Variants in CPSF7 observed in about 807,000 individuals in gnomAD.
The protein encoded by CPSF7 is cleavage and polyadenylation specific factor 7, also known as cleavage and polyadenylation specificity factor subunit 7.
A neutral mutation model predicts 44.3 loss-of-function variants in CPSF7; 1 was observed. The observed-to-expected ratio is 0.02, with a 90% CI of 0.01 to 0.11. The LOEUF is 0.11. Among genes scored for constraint, CPSF7 ranks in the 10% least tolerant of loss-of-function variants. The probability of loss-of-function intolerance (pLI) is 1.00; values close to 1 mark genes in which losing one functional copy is unlikely to be tolerated. For missense variants in CPSF7, 443 were observed against 607.2 expected (o/e 0.73, Z 2.84); for synonymous variants, 202 against 222.0 (o/e 0.91, Z 0.80).
intron 2 of CPSF7, among the ~76,000 whole-genome samples, chr11:61,422,738 A>G (rs868805532): frequency 1.3e-5 from 2 of 152,256 alleles, no homozygotes; most frequent in African/African-American, 2.4e-5. Context: ...ATTATGGAAA[A>G]TGTGCAAAAT....
Position 61,429,168 on chromosome 11 carries a change from T to C in CPSF7, c.54+14A>G. 1 of 1,467,396 alleles carries C rather than the reference T, an allele frequency of 6.8e-7. No individual in the cohort carries two copies. The highest frequency in any genetic ancestry group is 9.5e-7 in the Non-Finnish European group (1 of 1,048,518). 90.9% of individuals were successfully genotyped at this position (1,467,396 alleles called of 1,614,324 possible). The stretch of plus-strand genomic sequence containing the variant: ...TGATCAAGGAAAATCCCAAAGCTCC[T>C]GATGACACCTCACCTGGTTGAACTC... On this transcript the variant is annotated intron_variant, in intron 2 of 9. Transcript: ENST00000439958.
At chr11:61,427,181 T>C (rs1861449733) in intron 2 of CPSF7, 1 of 150,878 alleles carries the variant, frequency 6.6e-6, no homozygotes, top group Non-Finnish European at 1.5e-5. Context: ...GGAGAATCGC[T>C]TGAGCTCAGG....
At chr11:61,411,178 CTTCT>C (rs763669340) in intron 8 of CPSF7, 73 bp from the exon 9 acceptor site, 28 of 1,458,470 alleles carry the variant, frequency 1.9e-5, no homozygotes, top group Admixed American at 1.3e-4. Flanking sequence ...GTTTTGGTGT[CTTCT>C]GATATTTGCC....
At chr11:61,415,380 G>A (rs944236785) in intron 7 of CPSF7, among the ~76,000 whole-genome samples, 1 of 152,080 alleles carries the variant, frequency 6.6e-6, no homozygotes, top group African/African-American at 2.4e-5. Flanking sequence ...CACAAGGCAG[G>A]AATTTCACTC....
At chr11:61,408,508 C>G (rs954272548) in intron 9 of CPSF7, among the ~76,000 whole-genome samples, 3 of 152,200 alleles carry the variant, frequency 2.0e-5, no homozygotes, top group Admixed American at 6.5e-5. Context: ...CCTGAAGTTA[C>G]CTGGGTCACG....
Position 61,416,315 on chromosome 11 carries a change from A to G in CPSF7, c.728T>C (p.Phe243Ser). 6.4e-7 allele frequency: 1 copy of G among 1,553,762 alleles called. No individual in the cohort carries two copies. Among genetic ancestry groups the G allele is most frequent in the Non-Finnish European group, 8.7e-7 (1 of 1,148,676 alleles). The change falls in exon 6 of 10, where the codon TTT (phenylalanine) becomes TCT (serine). Residue 243 changes from phenylalanine to serine, a missense_variant. Transcript: ENST00000439958. ...IPPPPPLSSSFGVPPPPPGIH... is the reference protein window; with the variant it reads ...IPPPPPLSSSSGVPPPPPGIH... ...ACCAGGAGGAGGAGGAGGGACCCCA[A>G]AGCTTGAGGAGAGAGGTGGTGGGGG...
chr11:61,429,450 C>T, intron 1 of CPSF7, 160 bp from the exon 2 acceptor site: 1 of 528,512 alleles, frequency 1.9e-6, no homozygotes, highest in Non-Finnish European at 3.2e-6. Context: ...CGCCGCCCAC[C>T]GCTCTCCCAG....
chr11:61,416,870 G>C (rs1860386235), intron 5 of CPSF7, among the ~76,000 whole-genome samples: 1 of 152,090 alleles, frequency 6.6e-6, no homozygotes, highest in Non-Finnish European at 1.5e-5. Flanking sequence ...CTGATGTTCA[G>C]GTGAATTGCA....
chr11:61,409,717 T>C (rs368474352), intron 9 of CPSF7, among the ~76,000 whole-genome samples: 1 of 151,942 alleles, frequency 6.6e-6, no homozygotes, highest in African/African-American at 2.4e-5. Context: ...GGCTCACGCC[T>C]GTAATCCTAG....
intron 9 of CPSF7, among the ~76,000 whole-genome samples, chr11:61,409,589 T>TA (rs1396171920): frequency 2.0e-5 from 3 of 152,198 alleles, no homozygotes; most frequent in African/African-American, 7.2e-5. Flanking sequence ...CTAAACCTGT[T>TA]AAAGATAATT....
chr11:61,420,430 G>A (rs769081422), intron 4 of CPSF7, 40 bp downstream of exon 4: 5 of 1,508,300 alleles, frequency 3.3e-6, no homozygotes, highest in Admixed American at 1.7e-5. Context: ...TTATCCCAAT[G>A]GTTACAAATT....
chr11:61,420,417 C>G (rs770841134), intron 4 of CPSF7, 53 bp downstream of exon 4: 26 of 1,477,868 alleles, frequency 1.8e-5, no homozygotes, highest in Non-Finnish European at 2.2e-5. Flanking sequence ...TAGTACAGAT[C>G]TTTTATCCCA....
chr11:61,404,272 C>A lies in CPSF7; in HGVS notation c.*438G>T. 6.6e-6 allele frequency: 1 copy of A among 152,566 alleles called. No individual in the cohort carries two copies. The allele number at this position is 152,566 out of a possible 1,614,324, so 9.5% of individuals were successfully genotyped here. On this transcript the variant is annotated 3_prime_UTR_variant, in exon 10 of 10. Coordinates refer to ENST00000439958, the MANE Select transcript of CPSF7 (RefSeq NM_001142565.3). ...TTAAATCTAGTGCTGAGGGCAGGAC[C>A]CTGGGCATATTTTGGCACACCCAGT... is the stretch of plus-strand genomic sequence containing the variant.
In CPSF7 at chr11:61,411,798, G is replaced by A; in HGVS notation, c.1197C>T (p.Tyr399=). The part of the protein sequence containing the change: ...DCLHGIEAKS[Y]SVGASGSSSR... The stretch of plus-strand genomic sequence containing the variant: ...AAGAGCTCCCACTGGCACCCACACT[G>A]TAGGACTTGGCTTCGATGCCATGAA... Residue 399 remains tyrosine, a synonymous_variant, in exon 8 of 10, where the codon TAC becomes TAT. Coordinates refer to ENST00000439958, the MANE Select transcript of CPSF7 (RefSeq NM_001142565.3). 6.2e-7 allele frequency: 1 copy of A among 1,613,592 alleles called. No homozygotes were observed. Among genetic ancestry groups the A allele is most frequent in the Non-Finnish European group, 8.5e-7 (1 of 1,179,942 alleles).
intron 1 of CPSF7, 99 bp from the exon 2 acceptor site, chr11:61,429,389 T>C: frequency 1.4e-6 from 1 of 725,580 alleles, no homozygotes; most frequent in South Asian, 1.6e-5. Flanking sequence ...AGACGCAGCA[T>C]CCTGGCGGCC....
intron 7 of CPSF7, among the ~76,000 whole-genome samples, chr11:61,412,257 T>G (rs949226033): frequency 1.3e-5 from 2 of 152,170 alleles, no homozygotes; most frequent in African/African-American, 4.8e-5. Flanking sequence ...TTCACAAGTG[T>G]GTATGTTTAA....
intron 9 of CPSF7, among the ~76,000 whole-genome samples, chr11:61,409,549 C>A (rs1048576803): frequency 6.6e-6 from 1 of 152,130 alleles, no homozygotes; most frequent in East Asian, 1.9e-4. Flanking sequence ...AAAACCCTTC[C>A]GTTGAAGTTA....
At chr11:61,429,514 T>C in intron 1 of CPSF7, 1 of 528,416 alleles carries the variant, frequency 1.9e-6, no homozygotes, top group South Asian at 2.8e-5. Flanking sequence ...TAGCGCCGCG[T>C]CTGCGCCGCA....
At chr11:61,423,707 C>T (rs1308984053) in intron 2 of CPSF7, among the ~76,000 whole-genome samples, 1 of 152,198 alleles carries the variant, frequency 6.6e-6, no homozygotes, top group Non-Finnish European at 1.5e-5. Flanking sequence ...TCCAAGGCAA[C>T]TAAAGACAGG....
Sources: gnomAD v4.1 joint callset for allele counts (sites outside exome capture counted in the v4.1 genomes callset) on GRCh38, gnomAD v4.1.1 for gene constraint, MANE v1.5 for transcripts, NCBI Gene and HGNC (gene_info 2026-07-23, HGNC 2026-07-21) for gene names.